The following CTNNA3 variants were observed in gnomAD, a reference collection of about 807,000 sequenced individuals.
CTNNA3 encodes catenin alpha 3, also known as catenin alpha-3.
In CTNNA3, 76 loss-of-function variants were observed where a neutral mutation model predicts 95.7. That is an observed-to-expected ratio of 0.79 (90% confidence interval 0.66 to 0.96). The LOEUF (loss-of-function observed/expected upper bound fraction) is 0.96, where lower values mean the gene tolerates loss of function less well. Ranked by LOEUF, CTNNA3 falls within the 40% of genes least tolerant of loss-of-function variation. The pLI is 0.00. For synonymous variants in CTNNA3, 431 were observed against 374.4 expected, an observed-to-expected ratio of 1.15 and a Z score of -1.74; for missense variants, 1,191 against 1,089.8, an observed-to-expected ratio of 1.09 and a Z score of -1.31.
intron 5 of CTNNA3, among the ~76,000 whole-genome samples, chr10:67,225,904 A>G (rs925324752): frequency 2.0e-5 from 3 of 152,216 alleles, no homozygotes; most frequent in African/African-American, 7.2e-5. Flanking sequence ...AGAATTCAGG[A>G]GGTTAGTTAT....
chr10:67,232,666 A>T (rs1353874507), intron 5 of CTNNA3, among the ~76,000 whole-genome samples: 1 of 151,750 alleles, frequency 6.6e-6, no homozygotes, highest in Non-Finnish European at 1.5e-5. Context: ...AACAATATTA[A>T]CTTTAAATGT....
chr10:66,474,453 A>G (rs1425099518), intron 11 of CTNNA3, among the ~76,000 whole-genome samples: 1 of 152,026 alleles, frequency 6.6e-6, no homozygotes, highest in Non-Finnish European at 1.5e-5. Flanking sequence ...TCATCCACTG[A>G]TGGACAGTTA....
intron 7 of CTNNA3, among the ~76,000 whole-genome samples, chr10:67,032,263 T>C (rs1853774107): frequency 6.6e-6 from 1 of 152,178 alleles, no homozygotes; most frequent in East Asian, 1.9e-4. Flanking sequence ...TTGTGCTTCA[T>C]TGCTTTTTTT....
At chr10:67,367,955 T>C (rs1205222582) in intron 5 of CTNNA3, among the ~76,000 whole-genome samples, 1 of 152,122 alleles carries the variant, frequency 6.6e-6, no homozygotes, top group African/African-American at 2.4e-5. Flanking sequence ...ATGTGGGTGA[T>C]AGGTTTAATT....
intron 13 of CTNNA3, among the ~76,000 whole-genome samples, chr10:66,240,127 G>A (rs2090040621): frequency 2.0e-5 from 3 of 151,786 alleles, no homozygotes; most frequent in South Asian, 2.1e-4. Flanking sequence ...TGATATATCA[G>A]CATATTTTAG....
At chr10:66,196,814 GAC>G (rs35045665) in intron 13 of CTNNA3, among the ~76,000 whole-genome samples, 13,022 of 152,228 alleles carry the variant, frequency 0.086, 617 homozygotes, top group Admixed American at 0.12. Context: ...TAGCAGCCAA[GAC>G]ACACAGAAGT....
chr10:67,652,678 A>C (rs891177612), intron 1 of CTNNA3, among the ~76,000 whole-genome samples: 2 of 151,930 alleles, frequency 1.3e-5, no homozygotes, highest in African/African-American at 4.8e-5. Context: ...GAACATATGG[A>C]TTTATATATT....
chr10:66,524,915 G>A (rs1457132577), intron 10 of CTNNA3, among the ~76,000 whole-genome samples: 1 of 152,046 alleles, frequency 6.6e-6, no homozygotes, highest in Admixed American at 6.6e-5. Flanking sequence ...TGGGCGTGGT[G>A]GTGCATGCCT....
chr10:66,891,965 C>G (rs1213955011), intron 7 of CTNNA3, among the ~76,000 whole-genome samples: 1 of 152,006 alleles, frequency 6.6e-6, no homozygotes, highest in Non-Finnish European at 1.5e-5. Context: ...CTGCCATTGC[C>G]AAACATGTAA....
At chr10:66,284,237 AT>A (rs2091545397) in intron 12 of CTNNA3, among the ~76,000 whole-genome samples, 1 of 151,914 alleles carries the variant, frequency 6.6e-6, no homozygotes, top group African/African-American at 2.4e-5. Context: ...AATAGCTACC[AT>A]TCTCACTCAT....
chr10:67,307,785 C>T (rs558601861), intron 5 of CTNNA3, among the ~76,000 whole-genome samples: 1 of 152,108 alleles, frequency 6.6e-6, no homozygotes, highest in Non-Finnish European at 1.5e-5. Flanking sequence ...GTGACCAGTA[C>T]ATTAATTCTC....
intron 11 of CTNNA3, among the ~76,000 whole-genome samples, chr10:66,459,082 C>A (rs187903813): frequency 7.0e-4 from 107 of 152,290 alleles, no homozygotes; most frequent in African/African-American, 2.5e-3. Flanking sequence ...AAGACCAGCT[C>A]CTCATCTTTG....
chr10:67,193,007 A>G (rs1195017134), intron 6 of CTNNA3, among the ~76,000 whole-genome samples: 5 of 152,042 alleles, frequency 3.3e-5, no homozygotes, highest in Non-Finnish European at 7.4e-5. Context: ...CCAAACACAG[A>G]AAGACAAATA....
chr10:66,459,284 AG>A (rs1262546293), intron 11 of CTNNA3, among the ~76,000 whole-genome samples: 1 of 152,188 alleles, frequency 6.6e-6, no homozygotes, highest in Non-Finnish European at 1.5e-5. Context: ...GGCTGCTATG[AG>A]TAAAGATTCC....
chr10:66,957,851 A>G (rs922984749), intron 7 of CTNNA3, among the ~76,000 whole-genome samples: 1 of 151,984 alleles, frequency 6.6e-6, no homozygotes, highest in African/African-American at 2.4e-5. Flanking sequence ...GCCTGAAGGG[A>G]GCCAGAGAAA....
chr10:65,932,141 A>G lies in CTNNA3; in HGVS notation c.2401-11524T>C, dbSNP rs74629129. Among the ~76,000 whole-genome samples, 316 of 152,270 alleles carry G rather than the reference A, an allele frequency of 2.1e-3. 2 individuals carry two copies. Among genetic ancestry groups the G allele is most frequent in the African/African-American group, 7.0e-3 (291 of 41,548 alleles). On this transcript the variant is annotated intron_variant, in intron 17 of 17. Coordinates refer to ENST00000433211, the MANE Select transcript of CTNNA3 (RefSeq NM_013266.4). ...GGAGGTAAACTACACAAATTCAAAC[A>G]AATTCTTTCTCTCTCTGAGTCTGTT...
At chr10:66,398,438 A>G (rs78733278) in intron 11 of CTNNA3, among the ~76,000 whole-genome samples, 2,768 of 151,896 alleles carry the variant, frequency 0.018, 94 homozygotes, top group African/African-American at 0.064. Context: ...TAATGTATCT[A>G]TGGTATTGTA....
intron 10 of CTNNA3, among the ~76,000 whole-genome samples, chr10:66,534,258 A>G (rs1296447113): frequency 6.6e-6 from 1 of 152,152 alleles, no homozygotes; most frequent in Non-Finnish European, 1.5e-5. Flanking sequence ...AATGAATTCA[A>G]GCTGGAAAGG....
intron 13 of CTNNA3, among the ~76,000 whole-genome samples, chr10:66,236,732 C>T (rs2089870967): frequency 2.0e-5 from 3 of 151,990 alleles, no homozygotes; most frequent in Admixed American, 1.3e-4. Context: ...TTTATCTTTC[C>T]AACATGCTTT....
Sources: gnomAD v4.1 joint callset for allele counts (sites outside exome capture counted in the v4.1 genomes callset) on GRCh38, gnomAD v4.1.1 for gene constraint, MANE v1.5 for transcripts, NCBI Gene and HGNC (gene_info 2026-07-23, HGNC 2026-07-21) for gene names.